Variants in LCOR observed in about 807,000 individuals in gnomAD.
LCOR encodes ligand dependent nuclear receptor corepressor, also known as ligand-dependent corepressor.
Under a neutral mutation model 64.4 loss-of-function variants are expected in LCOR, and 14 were observed. The observed-to-expected ratio is 0.22, with a 90% confidence interval of 0.14 to 0.34. LCOR has a LOEUF of 0.34. Among genes scored for constraint, LCOR ranks in the 10% least tolerant of loss-of-function variants. The pLI, the probability that LCOR is intolerant of heterozygous loss-of-function variation, is 1.00. For missense variants in LCOR, 1,686 were observed against 1,765.3 expected, an observed-to-expected ratio of 0.96 and a Z score of 0.80; for synonymous variants, 643 against 642.5, an observed-to-expected ratio of 1.00 and a Z score of -0.01.
rs894946018 is a variant in LCOR, at chr10:96,856,879, T to C, written c.-330+23400T>C. Among the ~76,000 whole-genome samples the C allele has an allele frequency of 3.9e-5, 6 of 151,902 alleles. No individual in the cohort carries two copies. In the East Asian group the frequency reaches 1.2e-3, roughly 29 times the overall value. Reference sequence around the variant, plus strand: ...AAAAAAAAAAAAGTAAAAAAAATTATCTGGCCTTATGGAAATGGGGAAGGT... The same window carrying C: ...AAAAAAAAAAAAGTAAAAAAAATTACCTGGCCTTATGGAAATGGGGAAGGT... On this transcript the variant is annotated intron_variant, in intron 2 of 7. Coordinates refer to ENST00000421806, the MANE Select transcript of LCOR (RefSeq NM_001346516.2).
chr10:96,910,166 A>C (rs1265317478), intron 4 of LCOR, among the ~76,000 whole-genome samples: 1 of 152,296 alleles, frequency 6.6e-6, no homozygotes, highest in South Asian at 2.1e-4. Flanking sequence ...CCAAGTAGCT[A>C]GGACTACAGG....
intron 7 of LCOR, chr10:96,961,854 C>A (rs1172816042): frequency 6.6e-6 from 1 of 151,638 alleles, no homozygotes; most frequent in African/African-American, 2.4e-5. Flanking sequence ...CCCGGTGCTA[C>A]ACTCCTAAAA....
At chr10:96,878,863 G>A (rs533854670) in intron 2 of LCOR, among the ~76,000 whole-genome samples, 1 of 152,176 alleles carries the variant, frequency 6.6e-6, no homozygotes, top group East Asian at 1.9e-4. Context: ...TGCAGTCACA[G>A]CTCACTGCAG....
intron 4 of LCOR, among the ~76,000 whole-genome samples, chr10:96,936,181 T>C (rs1478590682): frequency 2.6e-5 from 4 of 152,262 alleles, no homozygotes; most frequent in African/African-American, 9.6e-5. Flanking sequence ...CACCAGCTTT[T>C]ATTGGATCAG....
At chr10:96,836,826 T>A (rs1845449741) in intron 2 of LCOR, among the ~76,000 whole-genome samples, 1 of 152,138 alleles carries the variant, frequency 6.6e-6, no homozygotes, top group South Asian at 2.1e-4. Context: ...ATACACATGA[T>A]AGGTTTGCAA....
rs554945313 is a variant in LCOR at position 96,919,044 on chromosome 10, T to C, written c.-184+11297T>C. Among the ~76,000 whole-genome samples, 9 of 152,348 alleles carry C rather than the reference T, an allele frequency of 5.9e-5. No homozygotes were observed. In the East Asian group the frequency reaches 9.6e-4, roughly 16 times the overall value. On this transcript the variant is annotated intron_variant, in intron 4 of 7. Transcript: ENST00000421806. ...CTAGATATTAAACAAAATCTTATTTTTGTATTTTATATTTTGTCAGTGTAA... is the reference window on the plus strand; with the variant it reads ...CTAGATATTAAACAAAATCTTATTTCTGTATTTTATATTTTGTCAGTGTAA...
rs140995155 is a variant in LCOR at position 96,949,188 on chromosome 10, C to T, written c.131C>T (p.Thr44Met). ...GCATCTCCAGTCACCACCTCTCCCACGGCTGCAACTACTCAGAACCCTGTG... is the reference window on the plus strand; with the variant it reads ...GCATCTCCAGTCACCACCTCTCCCATGGCTGCAACTACTCAGAACCCTGTG... The part of the protein sequence containing the change: ...PKASPVTTSP[T>M]AATTQNPVLS... Residue 44 changes from threonine (T) to methionine (M), a missense_variant, in exon 6 of 8, where the codon ACG (threonine) becomes ATG (methionine). Physicochemically the swap from Thr to Met is moderately conservative, Grantham distance 81. This residue lies in a region of LCOR where 80 missense variants were observed against 107.7 expected (regional missense o/e 0.74). Coordinates refer to ENST00000421806, the MANE Select transcript of LCOR (RefSeq NM_001346516.2). 7.5e-5 allele frequency: 121 copies of T among 1,614,150 alleles called. No homozygotes were observed. Among genetic ancestry groups the T allele is most frequent in the Non-Finnish European group, 9.4e-5 (111 of 1,180,012 alleles).
At chr10:96,971,853 CAT>C in intron 7 of LCOR, among the ~76,000 whole-genome samples, 1 of 152,282 alleles carries the variant, frequency 6.6e-6, no homozygotes, top group African/African-American at 2.4e-5. Context: ...GAATATCTAG[CAT>C]AGAGTATCTA....
At chr10:96,941,355 G>A (rs1160206302) in intron 4 of LCOR, among the ~76,000 whole-genome samples, 2 of 143,814 alleles carry the variant, frequency 1.4e-5, no homozygotes, top group African/African-American at 5.3e-5. Context: ...TCCCAGTAGG[G>A]GCGGCCGGGC....
At chr10:96,856,637 A>G (rs1845809550) in intron 2 of LCOR, among the ~76,000 whole-genome samples, 1 of 151,972 alleles carries the variant, frequency 6.6e-6, no homozygotes, top group African/African-American at 2.4e-5. Flanking sequence ...CATCATGCCC[A>G]GCTAATCTTT....
intron 2 of LCOR, among the ~76,000 whole-genome samples, chr10:96,860,169 A>C (rs929331729): frequency 1.3e-5 from 2 of 152,212 alleles, no homozygotes; most frequent in African/African-American, 4.8e-5. Flanking sequence ...AAATTGACTG[A>C]CTTGGGCCAT....
Position 96,982,141 on chromosome 10 carries a change from A to G in LCOR, c.1681A>G (p.Arg561Gly). ...ACATACAGTAGATGTGCAGCTTCCCAGAGAAGACAACCCTGAAGAACCTAG... is the reference window on the plus strand; with the variant it reads ...ACATACAGTAGATGTGCAGCTTCCCGGAGAAGACAACCCTGAAGAACCTAG... Reference protein sequence around the residue: ...PRHTVDVQLPREDNPEEPSKE... With the variant: ...PRHTVDVQLPGEDNPEEPSKE... Residue 561 changes from arginine (R) to glycine (G), a missense_variant, in exon 8 of 8, where the codon AGA (arginine) becomes GGA (glycine). Arg to Gly is a moderately radical substitution (Grantham distance 125, BLOSUM62 -2). This residue lies in a region of LCOR where 1,293 missense variants were observed against 1,410.4 expected (regional missense o/e 0.92). Coordinates refer to ENST00000421806, the MANE Select transcript of LCOR (RefSeq NM_001346516.2). 2 of 1,614,202 alleles carry G rather than the reference A, an allele frequency of 1.2e-6. No individual in the cohort carries two copies. Among genetic ancestry groups the G allele is most frequent in the Non-Finnish European group, 1.7e-6 (2 of 1,180,028 alleles).
intron 2 of LCOR, among the ~76,000 whole-genome samples, chr10:96,887,276 A>G (rs868342220): frequency 6.6e-6 from 1 of 152,144 alleles, no homozygotes; most frequent in Non-Finnish European, 1.5e-5. Context: ...CAGTGAAAAT[A>G]TACTACTTTG....
chr10:96,993,515 C>T lies in LCOR; in HGVS notation c.*8381C>T, dbSNP rs530978847. 75 of 152,142 alleles carry T rather than the reference C, an allele frequency of 4.9e-4. No homozygotes were observed. Among genetic ancestry groups the T allele is most frequent in the Non-Finnish European group, 8.2e-4 (56 of 67,970 alleles). The allele number at this position is 152,142 out of a possible 1,614,324, so 9.4% of individuals were successfully genotyped here. A position where few individuals can be genotyped will look rare whatever the true frequency, so the allele number is the denominator to read the frequency against. On this transcript the variant is annotated 3_prime_UTR_variant, in exon 8 of 8. Coordinates refer to ENST00000421806, the MANE Select transcript of LCOR (RefSeq NM_001346516.2). ...AAGAAGTAATGTTGTAAATAGTTTT[C>T]TAAAAATATTTATTACTTGTGCTGT...
At chr10:96,840,450 T>C (rs1845520593) in intron 2 of LCOR, among the ~76,000 whole-genome samples, 1 of 152,192 alleles carries the variant, frequency 6.6e-6, no homozygotes, top group Admixed American at 6.5e-5. Flanking sequence ...TCATGTGTAA[T>C]GTGCATTTGT....
intron 2 of LCOR, among the ~76,000 whole-genome samples, chr10:96,897,135 C>T (rs1210453078): frequency 6.7e-6 from 1 of 149,270 alleles, no homozygotes; most frequent in East Asian, 1.9e-4. Context: ...GAATGCTTAC[C>T]TCTCACAGTG....
At position 96,983,019 on chromosome 10, in the gene LCOR, A is replaced by G; in HGVS notation, c.2559A>G (p.Ala853=). ...LEIKVPKNPS[A]KRSKKEGHPG... ...TCAAAGTTCCTAAAAATCCTAGTGC[A>G]AAACGTTCAAAAAAAGAAGGGCACC... The change falls in exon 8 of 8, where the codon GCA becomes GCG. Residue 853 remains alanine, a synonymous_variant. Coordinates refer to ENST00000421806, the MANE Select transcript of LCOR (RefSeq NM_001346516.2). The surrounding 1 kb of genome is among the most constrained non-coding windows in gnomAD (Gnocchi z 4.5). The G allele has an allele frequency of 6.2e-7, 1 of 1,613,920 alleles. No individual in the cohort carries two copies. Among genetic ancestry groups the G allele is most frequent in the African/African-American group, 1.3e-5 (1 of 74,980 alleles).
intron 2 of LCOR, among the ~76,000 whole-genome samples, chr10:96,892,084 G>T (rs1225681399): frequency 6.6e-6 from 1 of 152,130 alleles, no homozygotes; most frequent in African/African-American, 2.4e-5. Context: ...TGGTTGGAGT[G>T]TTCTGCATAT....
At chr10:96,912,170 G>A (rs966269389) in intron 4 of LCOR, among the ~76,000 whole-genome samples, 2 of 152,006 alleles carry the variant, frequency 1.3e-5, no homozygotes, top group African/African-American at 4.8e-5. Context: ...CTGACTTCAG[G>A]CAATCCACCC....
Sources: allele counts gnomAD v4.1 joint callset (sites outside exome capture counted in the v4.1 genomes callset), GRCh38; gene constraint gnomAD v4.1.1; regional missense constraint gnomAD v4.1.1; non-coding constraint Gnocchi (gnomAD v3.1); transcripts MANE v1.5; gene names NCBI Gene and HGNC (gene_info 2026-07-23, HGNC 2026-07-21).